Variants in HOMER1 observed in about 807,000 individuals in gnomAD.
HOMER1 encodes homer scaffold protein 1.
In HOMER1, 3 loss-of-function variants were observed where a neutral mutation model predicts 48.9. The ratio of observed to expected loss-of-function variants is 0.06; its 90% confidence interval spans 0.03 to 0.16. The LOEUF is 0.16. HOMER1 is among the 10% of genes least tolerant of loss of function. The pLI is 1.00. For synonymous variants in HOMER1, 134 were observed against 146.4 expected, an observed-to-expected ratio of 0.92 and a Z score of 0.61; for missense variants, 247 against 411.4, an observed-to-expected ratio of 0.60 and a Z score of 3.46.
chr5:79,386,681 C>T (rs572691297), intron 8 of HOMER1, among the ~76,000 whole-genome samples: 28 of 152,246 alleles, frequency 1.8e-4, no homozygotes, highest in Non-Finnish European at 3.5e-4. Flanking sequence ...AACACCCTGA[C>T]TTGATCATTA....
At chr5:79,494,382 C>T (rs2112363068) in intron 1 of HOMER1, among the ~76,000 whole-genome samples, 1 of 152,332 alleles carries the variant, frequency 6.6e-6, no homozygotes, top group East Asian at 1.9e-4. Context: ...TGTTTCTCTC[C>T]TCTTGGTTCC....
intron 2 of HOMER1, among the ~76,000 whole-genome samples, chr5:79,455,614 G>C (rs1202938018): frequency 1.3e-5 from 2 of 152,172 alleles, no homozygotes; most frequent in Non-Finnish European, 2.9e-5. Flanking sequence ...AGAAGTATGA[G>C]AATGGACTAA....
At chr5:79,412,331 T>C (rs1199730736) in intron 5 of HOMER1, among the ~76,000 whole-genome samples, 1 of 152,136 alleles carries the variant, frequency 6.6e-6, no homozygotes, top group Non-Finnish European at 1.5e-5. Flanking sequence ...CTTAAAACTA[T>C]TTGTGTCCAG....
chr5:79,388,512 T>C (rs73769647), intron 8 of HOMER1, among the ~76,000 whole-genome samples: 21 of 152,212 alleles, frequency 1.4e-4, no homozygotes, highest in African/African-American at 4.3e-4. Context: ...AAAAACCAAC[T>C]ATGAATCAGA....
intron 5 of HOMER1, among the ~76,000 whole-genome samples, chr5:79,406,068 C>T (rs1014250599): frequency 1.3e-5 from 2 of 152,144 alleles, no homozygotes; most frequent in Non-Finnish European, 2.9e-5. Context: ...GCGTAATTTA[C>T]AAGTTAATAC....
At chr5:79,413,442 T>C (rs191992007) in intron 5 of HOMER1, among the ~76,000 whole-genome samples, 6 of 152,230 alleles carry the variant, frequency 3.9e-5, no homozygotes, top group Non-Finnish European at 8.8e-5. Context: ...CTTTAAACAT[T>C]AAAAATATAT....
Position 79,469,440 on chromosome 5 carries a change from T to C in HOMER1, c.6-12422A>G, listed in dbSNP as rs533618200. Among the ~76,000 whole-genome samples, 5 of 152,314 alleles carry C rather than the reference T, an allele frequency of 3.3e-5. No individual in the cohort carries two copies. In the South Asian group the frequency reaches 6.2e-4, roughly 19 times the overall value. On this transcript the variant is annotated intron_variant, in intron 1 of 8. Coordinates refer to ENST00000334082, the MANE Select transcript of HOMER1 (RefSeq NM_004272.5). The stretch of plus-strand genomic sequence containing the variant: ...GACTTGGAAGTGACTCTAACTTTCA[T>C]TTGATCAAGTTTTGTCTAGTCACAG...
intron 4 of HOMER1, among the ~76,000 whole-genome samples, chr5:79,445,284 C>T (rs989761188): frequency 1.3e-5 from 2 of 152,056 alleles, no homozygotes; most frequent in African/African-American, 4.8e-5. Context: ...GAGTACAGTT[C>T]AGAAACAATT....
intron 8 of HOMER1, among the ~76,000 whole-genome samples, chr5:79,389,732 T>C (rs985531256): frequency 2.0e-5 from 3 of 152,214 alleles, no homozygotes; most frequent in African/African-American, 7.2e-5. Context: ...TGTGAGAACT[T>C]TCTGTTCTTT....
chr5:79,380,980 C>G (rs542837877), intron 8 of HOMER1, among the ~76,000 whole-genome samples: 1 of 152,116 alleles, frequency 6.6e-6, no homozygotes, highest in Non-Finnish European at 1.5e-5. Flanking sequence ...GCCCAGGGGT[C>G]GGAGAACCCA....
At chr5:79,412,276 C>G (rs1749832258) in intron 5 of HOMER1, among the ~76,000 whole-genome samples, 1 of 152,182 alleles carries the variant, frequency 6.6e-6, no homozygotes, top group African/African-American at 2.4e-5. Flanking sequence ...GTTGTCTCCT[C>G]ACTTCCTATT....
intron 1 of HOMER1, among the ~76,000 whole-genome samples, chr5:79,508,736 C>G (rs1398766528): frequency 1.3e-5 from 2 of 152,206 alleles, no homozygotes; most frequent in South Asian, 4.2e-4. Context: ...GCAGCTAATG[C>G]CCCCCCAACA....
chr5:79,456,187 A>C (rs183171480), intron 2 of HOMER1, among the ~76,000 whole-genome samples: 1 of 151,632 alleles, frequency 6.6e-6, no homozygotes, highest in Non-Finnish European at 1.5e-5. Flanking sequence ...AACTCTTCTG[A>C]AGGGCACACT....
Position 79,375,793 on chromosome 5 carries a change from T to TC in HOMER1, c.*215dup, listed in dbSNP as rs1372616360. ...AATATACATGGAGGTAATTTGTAGT[T>TC]CAAGTTTTTCATCTTTTTTCCCCAA... On this transcript the variant is annotated 3_prime_UTR_variant, in exon 9 of 9. Coordinates refer to ENST00000334082, the MANE Select transcript of HOMER1 (RefSeq NM_004272.5). 1 of 387,954 alleles carries TC rather than the reference T, an allele frequency of 2.6e-6. No homozygotes were observed. Among genetic ancestry groups the TC allele is most frequent in the Non-Finnish European group, 4.6e-6 (1 of 219,406 alleles). 24.0% of individuals were successfully genotyped at this position (387,954 alleles called of 1,614,324 possible).
At chr5:79,422,023 T>C (rs1313890291) in intron 5 of HOMER1, among the ~76,000 whole-genome samples, 1 of 152,120 alleles carries the variant, frequency 6.6e-6, no homozygotes, top group East Asian at 1.9e-4. Context: ...GGTCAGGAGT[T>C]CGAGACCAGC....
At chr5:79,454,004 C>A (rs1340246323) in intron 2 of HOMER1, among the ~76,000 whole-genome samples, 1 of 152,032 alleles carries the variant, frequency 6.6e-6, no homozygotes, top group Non-Finnish European at 1.5e-5. Context: ...AACTCTGCTA[C>A]AGAAGATAGA....
At chr5:79,482,563 A>G (rs558613488) in intron 1 of HOMER1, among the ~76,000 whole-genome samples, 58 of 152,156 alleles carry the variant, frequency 3.8e-4, no homozygotes, top group Admixed American at 1.8e-3. Flanking sequence ...TTAATTTGAT[A>G]AGATAGAAAT....
chr5:79,390,310 C>T (rs1749217745), intron 8 of HOMER1, among the ~76,000 whole-genome samples: 1 of 151,236 alleles, frequency 6.6e-6, no homozygotes, highest in African/African-American at 2.4e-5. Flanking sequence ...AACAAACAAA[C>T]AAAAACCCCC....
chr5:79,475,990 T>C (rs997934654), intron 1 of HOMER1, among the ~76,000 whole-genome samples: 1 of 152,210 alleles, frequency 6.6e-6, no homozygotes, highest in Non-Finnish European at 1.5e-5. Flanking sequence ...GATATATCAA[T>C]AACTTGTCAC....
Sources: gnomAD v4.1 joint callset for allele counts (sites outside exome capture counted in the v4.1 genomes callset) on GRCh38, gnomAD v4.1.1 for gene constraint, MANE v1.5 for transcripts, NCBI Gene and HGNC (gene_info 2026-07-23, HGNC 2026-07-21) for gene names.